The following NCAM1 variants were observed in gnomAD, a reference collection of about 807,000 sequenced individuals.
NCAM1 encodes the protein neural cell adhesion molecule 1, also known as antigen recognized by monoclonal antibody 5.1H11.
NCAM1 carries 14 observed loss-of-function variants against 109.8 expected under a neutral mutation model. The ratio of observed to expected loss-of-function variants is 0.13; its 90% CI spans 0.08 to 0.20. NCAM1 has a LOEUF of 0.20. Among genes scored for constraint, NCAM1 ranks in the 10% least tolerant of loss-of-function variants. The probability of loss-of-function intolerance (pLI) is 1.00; values close to 1 mark genes in which losing one functional copy is unlikely to be tolerated. For missense variants in NCAM1, 774 were observed against 1,109.9 expected, an observed-to-expected ratio of 0.70 and a Z score of 4.30; for synonymous variants, 418 against 442.9, an observed-to-expected ratio of 0.94 and a Z score of 0.70.
chr11:113,020,136 G>A (rs1427170141), intron 1 of NCAM1, among the ~76,000 whole-genome samples: 4 of 152,082 alleles, frequency 2.6e-5, no homozygotes, highest in Non-Finnish European at 4.4e-5. Flanking sequence ...CTTGTTCGCT[G>A]GTCCCTCCCT....
chr11:112,969,978 A>G (rs1950833399), intron 1 of NCAM1, among the ~76,000 whole-genome samples: 1 of 152,022 alleles, frequency 6.6e-6, no homozygotes, highest in Non-Finnish European at 1.5e-5. Flanking sequence ...TGTCTGGGGG[A>G]AAAAAGAGGT....
intron 1 of NCAM1, among the ~76,000 whole-genome samples, chr11:113,178,668 G>C (rs1555107465): frequency 6.6e-6 from 1 of 152,180 alleles, no homozygotes; most frequent in African/African-American, 2.4e-5. Context: ...AGGAGGAAAA[G>C]CTCATTGCAA....
intron 8 of NCAM1, among the ~76,000 whole-genome samples, chr11:113,220,059 T>C (rs781824151): frequency 6.6e-6 from 1 of 152,232 alleles, no homozygotes; most frequent in African/African-American, 2.4e-5. Context: ...TCTATCCTTT[T>C]TCCATCTGAA....
At chr11:113,064,492 A>G (rs1937851353) in intron 1 of NCAM1, among the ~76,000 whole-genome samples, 1 of 152,176 alleles carries the variant, frequency 6.6e-6, no homozygotes, top group Non-Finnish European at 1.5e-5. Context: ...TTTCTTCTTG[A>G]AATTATTTTT....
At chr11:112,964,404 C>A (rs1555064696) in intron 1 of NCAM1, among the ~76,000 whole-genome samples, 1 of 152,000 alleles carries the variant, frequency 6.6e-6, no homozygotes. Flanking sequence ...GAATTGTTCG[C>A]TTGAACGATC....
intron 1 of NCAM1, among the ~76,000 whole-genome samples, chr11:113,150,995 T>C (rs1942205179): frequency 6.6e-6 from 1 of 152,192 alleles, no homozygotes; most frequent in African/African-American, 2.4e-5. Flanking sequence ...CTAATTTATG[T>C]GACCTTGGTC....
intron 1 of NCAM1, among the ~76,000 whole-genome samples, chr11:112,971,877 C>A (rs561918667): frequency 2.8e-4 from 42 of 152,210 alleles, no homozygotes; most frequent in African/African-American, 9.6e-4. Context: ...TGTGTACTGC[C>A]AGAGGTCCTT....
At chr11:113,231,308 T>C (rs782539999) in intron 9 of NCAM1, 1 of 1,535,100 alleles carries the variant, frequency 6.5e-7, no homozygotes, top group South Asian at 1.2e-5. Context: ...CAATATCTGC[T>C]GGCCGGAGGC....
chr11:113,035,702 C>A (rs959725681), intron 1 of NCAM1, among the ~76,000 whole-genome samples: 15 of 152,112 alleles, frequency 9.9e-5, no homozygotes, highest in Non-Finnish European at 1.8e-4. Context: ...GTAACACTAC[C>A]CCTGCTTTCC....
chr11:113,104,543 T>C (rs555662414), intron 1 of NCAM1, among the ~76,000 whole-genome samples: 1 of 152,208 alleles, frequency 6.6e-6, no homozygotes, highest in South Asian at 2.1e-4. Flanking sequence ...TTGACTGCAG[T>C]GTTATTGGGC....
chr11:113,138,399 A>G (rs1941689337), intron 1 of NCAM1, among the ~76,000 whole-genome samples: 2 of 152,244 alleles, frequency 1.3e-5, no homozygotes, highest in Non-Finnish European at 2.9e-5. Context: ...CTGTCATCTC[A>G]GGCCTGGGGA....
At chr11:113,181,922 T>G (rs1428641292) in intron 1 of NCAM1, among the ~76,000 whole-genome samples, 1 of 152,160 alleles carries the variant, frequency 6.6e-6, no homozygotes, top group African/African-American at 2.4e-5. Flanking sequence ...AAAAAGTATT[T>G]TTTGAAATTA....
chr11:113,244,320 A>C (rs2137418899), intron 14 of NCAM1, among the ~76,000 whole-genome samples: 1 of 152,270 alleles, frequency 6.6e-6, no homozygotes, highest in African/African-American at 2.4e-5. Context: ...CATGTCTTTA[A>C]TTTTTAAACA....
intron 1 of NCAM1, among the ~76,000 whole-genome samples, chr11:113,019,048 G>A (rs1017120545): frequency 2.0e-5 from 3 of 151,932 alleles, no homozygotes; most frequent in Non-Finnish European, 2.9e-5. Flanking sequence ...TCCCTTCCAC[G>A]TGAAATGCCC....
In NCAM1 at chr11:113,143,567, A is replaced by T. The variant is rs186339861; in HGVS notation, c.53-58812A>T. Among the ~76,000 whole-genome samples, 171 of 152,366 alleles carry T rather than the reference A, an allele frequency of 1.1e-3. 1 individual carries two copies. The highest frequency in any genetic ancestry group is 9.3e-3 in the South Asian group (45 of 4,834). ...AGACCATCTCATAAGCAAATAATGC[A>T]TCAAGGGTTTTGGCTCAGCACTGGT... On this transcript the variant is annotated intron_variant, in intron 1 of 19. Coordinates refer to ENST00000316851, the MANE Select transcript of NCAM1 (RefSeq NM_181351.5).
In NCAM1 at chr11:113,231,637, C is replaced by G. The variant is rs782227144; in HGVS notation, c.1090-8C>G. 18 of 1,613,008 alleles carry G rather than the reference C, an allele frequency of 1.1e-5. No individual in the cohort carries two copies. The highest frequency in any genetic ancestry group is 3.3e-4 in the Middle Eastern group (2 of 6,056). On this transcript the variant is annotated splice_polypyrimidine_tract_variant and splice_region_variant and intron_variant, in intron 9 of 19. Transcript: ENST00000316851. ...CTGACATGCTCCCTTCCCCCCCACC[C>G]CCGGCAGACTCTGGATGGGCACATG...
At chr11:113,156,664 G>A (rs781926080) in intron 1 of NCAM1, among the ~76,000 whole-genome samples, 5 of 152,156 alleles carry the variant, frequency 3.3e-5, no homozygotes, top group South Asian at 2.1e-4. Context: ...GTAGAAAGAC[G>A]AGAATTTTTA....
At chr11:113,214,335 T>C (rs1555114052) in intron 7 of NCAM1, 34 bp from the exon 8 acceptor site, 1 of 1,608,892 alleles carries the variant, frequency 6.2e-7, no homozygotes, top group Non-Finnish European at 8.5e-7. Flanking sequence ...GCTCAATAAT[T>C]AGATAAACTC....
At position 113,240,704 on chromosome 11, in the gene NCAM1, G is replaced by T. The variant is rs782789688; in HGVS notation, c.1825+5540G>T. The T allele has an allele frequency of 1.4e-5, 18 of 1,318,544 alleles. No homozygotes were observed. The East Asian group carries it at 4.1e-4, about 30-fold the overall frequency. 81.7% of individuals were successfully genotyped at this position (1,318,544 alleles called of 1,614,324 possible). A position where few individuals can be genotyped will look rare whatever the true frequency, so the allele number is the denominator to read the frequency against. ...CAGCTCCTCATACTGATGCCCCAGG[G>T]TTGTTGCTTCCATTTTTTTTTCATT... On this transcript the variant is annotated intron_variant, in intron 14 of 19. Coordinates refer to ENST00000316851, the MANE Select transcript of NCAM1 (RefSeq NM_181351.5).
Sources: gnomAD v4.1 joint callset for allele counts (sites outside exome capture counted in the v4.1 genomes callset) on GRCh38, gnomAD v4.1.1 for gene constraint, MANE v1.5 for transcripts, NCBI Gene and HGNC (gene_info 2026-07-23, HGNC 2026-07-21) for gene names.